Variants in USP13 observed in about 807,000 individuals in gnomAD.
USP13 encodes ubiquitin specific peptidase 13.
A neutral mutation model predicts 107.8 loss-of-function variants in USP13; 68 were observed. The observed-to-expected ratio is 0.63, with a 90% CI of 0.52 to 0.77. The LOEUF (loss-of-function observed/expected upper bound fraction) is 0.77. Among genes scored for constraint, USP13 ranks in the 30% least tolerant of loss-of-function variants. The pLI is 0.00. For synonymous variants in USP13, 377 were observed against 389.5 expected, an observed-to-expected ratio of 0.97 and a Z score of 0.38; for missense variants, 945 against 1,093.3, an observed-to-expected ratio of 0.86 and a Z score of 1.91.
At chr3:179,687,161 A>C (rs1476854288) in intron 2 of USP13, among the ~76,000 whole-genome samples, 3 of 152,228 alleles carry the variant, frequency 2.0e-5, no homozygotes, top group Non-Finnish European at 4.4e-5. Context: ...AGGTACTTCA[A>C]GGTTGGTGTG....
intron 10 of USP13, among the ~76,000 whole-genome samples, chr3:179,738,959 C>G (rs970741764): frequency 6.6e-6 from 1 of 152,188 alleles, no homozygotes; most frequent in South Asian, 2.1e-4. Context: ...TAGGCAGAGT[C>G]TTTTCACTTG....
At chr3:179,729,813 T>C (rs1713733476) in intron 8 of USP13, among the ~76,000 whole-genome samples, 1 of 152,200 alleles carries the variant, frequency 6.6e-6, no homozygotes, top group Non-Finnish European at 1.5e-5. Context: ...TGTGATGGCT[T>C]AGCCAGTGGT....
rs1577002647 is a variant in USP13, at chr3:179,787,923, A to G, written c.*3782A>G. On this transcript the variant is annotated 3_prime_UTR_variant, in exon 21 of 21. Transcript: ENST00000263966. ...TTTTTTTCTACTCTTGAAAAAAACA[A>G]CTTTCTAGTCCATGAGGTACTTTGG... 1 of 152,180 alleles carries G rather than the reference A, an allele frequency of 6.6e-6. No homozygotes were observed. Among genetic ancestry groups the G allele is most frequent in the African/African-American group, 2.4e-5 (1 of 41,432 alleles). The allele number at this position is 152,180 out of a possible 1,614,324, so 9.4% of individuals were successfully genotyped here.
chr3:179,761,905 G>A (rs1210013587), intron 17 of USP13, among the ~76,000 whole-genome samples: 1 of 152,148 alleles, frequency 6.6e-6, no homozygotes, highest in African/African-American at 2.4e-5. Context: ...AATGGAGGAT[G>A]TTTAGTTAGC....
At chr3:179,747,341 TTTCTC>T (rs1364838250) in intron 13 of USP13, among the ~76,000 whole-genome samples, 2 of 152,208 alleles carry the variant, frequency 1.3e-5, no homozygotes, top group African/African-American at 2.4e-5. Context: ...CATTTATCCT[TTTCTC>T]TTTGTGCTTT....
At chr3:179,658,526 T>C (rs1376447237) in intron 1 of USP13, among the ~76,000 whole-genome samples, 1 of 152,070 alleles carries the variant, frequency 6.6e-6, no homozygotes, top group African/African-American at 2.4e-5. Flanking sequence ...GACAAGGCAG[T>C]TTATTTTGGA....
At chr3:179,698,003 T>G (rs1712382149) in intron 3 of USP13, among the ~76,000 whole-genome samples, 1 of 152,226 alleles carries the variant, frequency 6.6e-6, no homozygotes, top group South Asian at 2.1e-4. Context: ...TCTTTTGATA[T>G]TCTTGTTTTG....
intron 20 of USP13, 135 bp downstream of exon 20, chr3:179,781,958 G>A (rs1241735317): frequency 1.9e-5 from 13 of 699,230 alleles, no homozygotes; most frequent in Admixed American, 8.3e-5. Flanking sequence ...TACTGTTAAC[G>A]CCCTTTTGCA....
At chr3:179,781,174 C>T (rs1169870771) in intron 19 of USP13, among the ~76,000 whole-genome samples, 2 of 152,176 alleles carry the variant, frequency 1.3e-5, no homozygotes, top group Non-Finnish European at 2.9e-5. Flanking sequence ...AGTTTGGTCC[C>T]ACCTACGTTA....
chr3:179,764,340 G>A (rs773518437), intron 18 of USP13, among the ~76,000 whole-genome samples, 172 bp downstream of exon 18: 3 of 152,070 alleles, frequency 2.0e-5, no homozygotes, highest in Non-Finnish European at 4.4e-5. Context: ...TAAATATAAA[G>A]CTAAAATGAA....
chr3:179,729,332 T>A (rs190504525), intron 8 of USP13, among the ~76,000 whole-genome samples: 1 of 152,316 alleles, frequency 6.6e-6, no homozygotes, highest in Non-Finnish European at 1.5e-5. Flanking sequence ...TAAACTGACT[T>A]AGCAGGATGC....
At position 179,653,350 on chromosome 3, in the gene USP13, A is replaced by T; in HGVS notation, c.125A>T (p.Asp42Val). The T allele has an allele frequency of 1.3e-6, 2 of 1,576,300 alleles. No homozygotes were observed. The highest frequency in any genetic ancestry group is 1.7e-6 in the Non-Finnish European group (2 of 1,161,210). The part of the protein sequence containing the change: ...MPTIRVPRSG[D>V]RVYKNECAFS... ...ACGATCCGCGTGCCCAGGTCCGGCG[A>T]CAGGGTCTACAAGAACGAGTGCGCC... The change falls in exon 1 of 21, where the codon GAC (aspartate) becomes GTC (valine). Residue 42 changes from aspartate to valine, a missense_variant. Coordinates refer to ENST00000263966, the MANE Select transcript of USP13 (RefSeq NM_003940.3). This position sits in a 1 kb window ranked among gnomAD's most constrained non-coding sequence, Gnocchi z 4.0.
chr3:179,693,766 C>T (rs767815726), intron 3 of USP13, among the ~76,000 whole-genome samples: 2 of 152,012 alleles, frequency 1.3e-5, no homozygotes, highest in East Asian at 1.9e-4. Flanking sequence ...ATCCGCCCTC[C>T]GAGTTCAAGC....
intron 15 of USP13, among the ~76,000 whole-genome samples, chr3:179,755,475 G>A (rs1007422551): frequency 1.3e-5 from 2 of 151,762 alleles, no homozygotes; most frequent in African/African-American, 4.8e-5. Flanking sequence ...TTTTTTTGTA[G>A]TATTAGTAGA....
chr3:179,763,952 A>G (rs1278903991), intron 17 of USP13, 50 bp from the exon 18 acceptor site: 2 of 485,334 alleles, frequency 4.1e-6, no homozygotes, highest in African/African-American at 2.1e-5. Flanking sequence ...TTTCAGGACA[A>G]AAAAAAAAAA....
intron 1 of USP13, among the ~76,000 whole-genome samples, chr3:179,666,101 A>C (rs1720580055): frequency 6.6e-6 from 1 of 152,146 alleles, no homozygotes; most frequent in African/African-American, 2.4e-5. Context: ...GGAAGAGAAG[A>C]TTCCTGGGGA....
At chr3:179,681,054 C>G (rs1711636288) in intron 1 of USP13, among the ~76,000 whole-genome samples, 1 of 152,106 alleles carries the variant, frequency 6.6e-6, no homozygotes, top group Non-Finnish European at 1.5e-5. Context: ...GTCAGACAAG[C>G]ATGTTTATTT....
At chr3:179,729,275 T>C (rs922713618) in intron 8 of USP13, among the ~76,000 whole-genome samples, 1 of 152,156 alleles carries the variant, frequency 6.6e-6, no homozygotes, top group Non-Finnish European at 1.5e-5. Context: ...GGATTACTGC[T>C]GAAGGCAGGC....
At chr3:179,681,746 T>A (rs1711661081) in intron 1 of USP13, 132 bp from the exon 2 acceptor site, 1 of 1,141,898 alleles carries the variant, frequency 8.8e-7, no homozygotes, top group Admixed American at 2.3e-5. Context: ...AGGTAGGGTA[T>A]CACAGCAGGA....
Sources: gnomAD v4.1 joint callset for allele counts (sites outside exome capture counted in the v4.1 genomes callset) on GRCh38, gnomAD v4.1.1 for gene constraint, Gnocchi (gnomAD v3.1) non-coding constraint, MANE v1.5 for transcripts, NCBI Gene and HGNC (gene_info 2026-07-23, HGNC 2026-07-21) for gene names.